PPFIBP2: variants seen among roughly 807,000 people sequenced by gnomAD.
PPFIBP2 encodes the protein PPFIB scaffold protein 2, also known as liprin-beta-2.
PPFIBP2 carries 118 observed loss-of-function variants against 118.3 expected under a neutral mutation model. That is an observed-to-expected ratio of 1.00 (90% CI 0.86 to 1.16). The LOEUF (loss-of-function observed/expected upper bound fraction) is 1.16, where lower values mean the gene tolerates loss of function less well. Ranked by LOEUF, PPFIBP2 falls within the 50% of genes most tolerant of loss-of-function variation. The probability of loss-of-function intolerance (pLI) is 0.00; values close to 1 mark genes in which losing one functional copy is unlikely to be tolerated. For synonymous variants in PPFIBP2, 414 were observed against 397.4 expected, an observed-to-expected ratio of 1.04 and a Z score of -0.50; for missense variants, 1,195 against 1,073.1, an observed-to-expected ratio of 1.11 and a Z score of -1.59.
chr11:7,629,926 G>A (rs568288281), intron 10 of PPFIBP2, among the ~76,000 whole-genome samples: 11 of 152,334 alleles, frequency 7.2e-5, no homozygotes, highest in African/African-American at 2.4e-4. Context: ...AAAATCTAAA[G>A]TTCCGCAGCA....
At chr11:7,665,626 T>G in the PPFIBP2 span, 1 of 1,435,916 alleles carries the variant, frequency 7.0e-7, no homozygotes, top group South Asian at 1.4e-5. Context: ...ACACCCACCC[T>G]CAGCCAGGGA....
chr11:7,549,512 C>T lies in PPFIBP2; in HGVS notation c.37C>T (p.Leu13=), dbSNP rs910810017. ...SDASHALEAA[L]EQMDGIIAGT... Reference sequence around the variant, plus strand: ...TGCTAGTCATGCGCTGGAAGCTGCCCTGGAGCAAATGGACGGGATCATTGC... The same window carrying T: ...TGCTAGTCATGCGCTGGAAGCTGCCTTGGAGCAAATGGACGGGATCATTGC... Residue 13 remains leucine (L), a synonymous_variant, in exon 2 of 24, where the codon CTG becomes TTG. Coordinates refer to ENST00000299492, the MANE Select transcript of PPFIBP2 (RefSeq NM_003621.5). 6.4e-7 allele frequency: 1 copy of T among 1,563,754 alleles called. No homozygotes were observed. The highest frequency in any genetic ancestry group is 1.4e-5 in the African/African-American group (1 of 73,348).
chr11:7,548,621 T>A (rs1350507464), intron 1 of PPFIBP2: 1 of 152,072 alleles, frequency 6.6e-6, no homozygotes, highest in East Asian at 1.9e-4. Context: ...CTAAAGACCT[T>A]CCTTGAGGTA....
intron 1 of PPFIBP2, among the ~76,000 whole-genome samples, chr11:7,530,089 G>A (rs1369466578): frequency 1.3e-5 from 2 of 152,142 alleles, no homozygotes; most frequent in Admixed American, 1.3e-4. Flanking sequence ...CCTGATGAAG[G>A]GTCTTGGCCA....
rs113800679 is a variant in PPFIBP2 at position 7,651,768 on chromosome 11, C to T, written c.2360C>T (p.Pro787Leu). 3.3e-5 allele frequency: 53 copies of T among 1,613,950 alleles called. No individual in the cohort carries two copies. Among genetic ancestry groups the T allele is most frequent in the Middle Eastern group, 1.6e-4 (1 of 6,084 alleles). Residue 787 changes from proline (P) to leucine (L), a missense_variant, in exon 23 of 24, where the codon CCG becomes CTG. By Grantham distance (98) the Pro-to-Leu change is moderately conservative. Coordinates refer to ENST00000299492, the MANE Select transcript of PPFIBP2 (RefSeq NM_003621.5). ...LTTKFNALIG[P>L]EAEQEKREKM... Reference sequence around the variant, plus strand: ...ACCAAGTTCAATGCCTTGATTGGTCCGGAGGCTGAACAGGAGAAGCGAGAG... The same window carrying T: ...ACCAAGTTCAATGCCTTGATTGGTCTGGAGGCTGAACAGGAGAAGCGAGAG...
At chr11:7,651,133 T>A in intron 22 of PPFIBP2, 168 bp downstream of exon 22, 1 of 677,904 alleles carries the variant, frequency 1.5e-6, no homozygotes, top group Non-Finnish European at 2.3e-6. Context: ...TCCTTGAGAA[T>A]TAATATACCT....
intron 1 of PPFIBP2, among the ~76,000 whole-genome samples, chr11:7,526,777 C>A (rs188447120): frequency 1.3e-5 from 2 of 152,196 alleles, no homozygotes; most frequent in East Asian, 3.9e-4. Flanking sequence ...GGCTGAACAT[C>A]CCACTTAGTG....
At position 7,597,610 on chromosome 11, in the gene PPFIBP2, C is replaced by G; in HGVS notation, c.423C>G (p.Asp141Glu). ...AAGCCCAGGGAGAAAAGATTCGAGA[C>G]CTGGAAGTGTGTCTGGAAGGACACC... is the stretch of plus-strand genomic sequence containing the variant. ...QVEAQGEKIR[D>E]LEVCLEGHQV... is the part of the protein sequence containing the mutation. The change falls in exon 5 of 24, where the codon GAC becomes GAG. Residue 141 changes from aspartate (D) to glutamate (E), a missense_variant. Asp to Glu is a conservative substitution (Grantham distance 45). Coordinates refer to ENST00000299492, the MANE Select transcript of PPFIBP2 (RefSeq NM_003621.5). The G allele has an allele frequency of 6.2e-7, 1 of 1,614,052 alleles. No homozygotes were observed. The highest frequency in any genetic ancestry group is 8.5e-7 in the Non-Finnish European group (1 of 1,180,004).
intron 21 of PPFIBP2, among the ~76,000 whole-genome samples, chr11:7,650,506 T>C (rs1005622525): frequency 2.6e-5 from 4 of 152,334 alleles, no homozygotes; most frequent in Non-Finnish European, 4.4e-5. Context: ...GATTGTAAAA[T>C]TGACAGTCAT....
chr11:7,613,815 C>G (rs554259745), intron 6 of PPFIBP2, among the ~76,000 whole-genome samples: 1 of 152,292 alleles, frequency 6.6e-6, no homozygotes, highest in East Asian at 1.9e-4. Flanking sequence ...GAATAGCTAT[C>G]AGAGCAGCCT....
In PPFIBP2 at chr11:7,601,232, G is replaced by A. The variant is rs529644380; in HGVS notation, c.486+3559G>A. Among the ~76,000 whole-genome samples, 5 of 152,244 alleles carry A rather than the reference G, an allele frequency of 3.3e-5. No homozygotes were observed. In the South Asian group the frequency reaches 8.3e-4, roughly 25 times the overall value. ...CATCCTCAGTCTGTCGCTGCTCAGGGCTGACCTCCCAACTCCCATCTGTTT... is the reference window on the plus strand; with the variant it reads ...CATCCTCAGTCTGTCGCTGCTCAGGACTGACCTCCCAACTCCCATCTGTTT... On this transcript the variant is annotated intron_variant, in intron 5 of 23. Transcript: ENST00000299492.
In PPFIBP2 at chr11:7,620,952, C is replaced by G. The variant is rs150433585; in HGVS notation, c.636C>G (p.Leu212=). 278 of 1,611,234 alleles carry G rather than the reference C, an allele frequency of 1.7e-4. No homozygotes were observed. The highest frequency in any genetic ancestry group is 1.9e-4 in the Non-Finnish European group (221 of 1,177,416). Residue 212 remains leucine, a synonymous_variant, in exon 7 of 24, where the codon CTC becomes CTG. Coordinates refer to ENST00000299492, the MANE Select transcript of PPFIBP2 (RefSeq NM_003621.5). ...QRKAEELLQE[L]RHLKIKVEEL... Reference sequence around the variant, plus strand: ...TCCCCTAGGAGTTACTGCAAGAGCTCAGGCACCTCAAAATCAAAGTGGAAG... The same window carrying G: ...TCCCCTAGGAGTTACTGCAAGAGCTGAGGCACCTCAAAATCAAAGTGGAAG...
At chr11:7,626,003 A>G (rs1849955833) in intron 8 of PPFIBP2, 112 bp downstream of exon 8, 4 of 866,566 alleles carry the variant, frequency 4.6e-6, no homozygotes, top group Non-Finnish European at 7.3e-6. Context: ...GTGTGTAGCC[A>G]TGCTAATGGA....
chr11:7,633,316 C>G (rs1851027607), intron 12 of PPFIBP2, among the ~76,000 whole-genome samples: 1 of 152,156 alleles, frequency 6.6e-6, no homozygotes, highest in Non-Finnish European at 1.5e-5. Flanking sequence ...ACAGTCGAAG[C>G]TTTCTAGGGA....
intron 3 of PPFIBP2, among the ~76,000 whole-genome samples, chr11:7,573,669 G>A (rs1855919412): frequency 6.6e-6 from 1 of 152,224 alleles, no homozygotes. Context: ...GCAGTGGCCA[G>A]GACTTCCTCC....
intron 8 of PPFIBP2, among the ~76,000 whole-genome samples, chr11:7,626,845 G>A (rs1590678936): frequency 6.6e-6 from 1 of 152,324 alleles, no homozygotes; most frequent in East Asian, 1.9e-4. Context: ...AGCACTGCAA[G>A]CTTAGCTTGG....
chr11:7,646,072 G>A (rs1853005967), intron 17 of PPFIBP2, among the ~76,000 whole-genome samples: 1 of 152,220 alleles, frequency 6.6e-6, no homozygotes, highest in South Asian at 2.1e-4. Flanking sequence ...CAAGAGGTAA[G>A]GTTTAAACAA....
At chr11:7,663,889 C>T in the PPFIBP2 span, among the ~76,000 whole-genome samples, 71 of 152,164 alleles carry the variant, frequency 4.7e-4, no homozygotes, top group African/African-American at 1.2e-3. Flanking sequence ...GCGCAGTATT[C>T]TGGTGGGAGT....
chr11:7,635,523 A>G, intron 13 of PPFIBP2, 29 bp from the exon 14 acceptor site: 1 of 1,595,590 alleles, frequency 6.3e-7, no homozygotes, highest in South Asian at 1.1e-5. Flanking sequence ...TTTTCTCCAC[A>G]TAAACGAAAT....
Sources: gnomAD v4.1 joint callset for allele counts (sites outside exome capture counted in the v4.1 genomes callset) on GRCh38, gnomAD v4.1.1 for gene constraint, MANE v1.5 for transcripts, NCBI Gene and HGNC (gene_info 2026-07-23, HGNC 2026-07-21) for gene names.